CILK1: variants seen among roughly 807,000 people sequenced by gnomAD.
The protein encoded by CILK1 is serine/threonine-protein kinase ICK.
Under a neutral mutation model 79.2 loss-of-function variants are expected in CILK1, and 47 were observed. That is an observed-to-expected ratio of 0.59 (90% CI 0.47 to 0.76). The LOEUF is 0.76. Ranked by LOEUF, CILK1 falls within the 30% of genes least tolerant of loss-of-function variation. The pLI, the probability that CILK1 is intolerant of heterozygous loss-of-function variation, is 0.00. For missense variants in CILK1, 660 were observed against 769.5 expected, an observed-to-expected ratio of 0.86 and a Z score of 1.68; for synonymous variants, 266 against 275.9, an observed-to-expected ratio of 0.96 and a Z score of 0.36.
chr6:53,058,922 TA>T (rs796842411), intron 1 of CILK1, among the ~76,000 whole-genome samples: 355 of 141,844 alleles, frequency 2.5e-3, no homozygotes, highest in African/African-American at 7.6e-3. Flanking sequence ...AGGAGCAGTA[TA>T]AAAAAAAAAA....
chr6:53,014,270 T>TA lies in CILK1; in HGVS notation c.832-289dup, dbSNP rs968438444. On this transcript the variant is annotated intron_variant, in intron 8 of 13. Transcript: ENST00000676107. ...TGGATCAACACAGATCCTGGTTTTG[T>TA]AACTTATTTGCTATGTGTCTTAAAT... Among the ~76,000 whole-genome samples, 3 of 152,354 alleles carry TA rather than the reference T, an allele frequency of 2.0e-5. No individual in the cohort carries two copies. The East Asian group carries it at 5.8e-4, about 29-fold the overall frequency.
At chr6:53,031,723 C>T (rs1328049211) in intron 4 of CILK1, among the ~76,000 whole-genome samples, 1 of 152,226 alleles carries the variant, frequency 6.6e-6, no homozygotes, top group African/African-American at 2.4e-5. Context: ...ACAGAGGTCT[C>T]AAAATCCAGG....
chr6:53,021,091 C>T (rs546828445), intron 5 of CILK1, among the ~76,000 whole-genome samples: 7 of 152,140 alleles, frequency 4.6e-5, no homozygotes, highest in Non-Finnish European at 1.5e-5. Flanking sequence ...GAGGCCGAGG[C>T]GGGCGGATCA....
intron 1 of CILK1, among the ~76,000 whole-genome samples, chr6:53,047,976 A>G (rs924714216): frequency 2.0e-5 from 3 of 151,962 alleles, no homozygotes; most frequent in African/African-American, 7.3e-5. Context: ...AGGTTGTTTT[A>G]TTTTTCCCCA....
In CILK1 at chr6:53,035,841, A is replaced by G. The variant is rs539553744; in HGVS notation, c.156+2098T>C. Among the ~76,000 whole-genome samples the G allele has an allele frequency of 5.9e-5, 9 of 152,188 alleles. 1 individual carries two copies. The South Asian group carries it at 1.9e-3, about 32-fold the overall frequency. On this transcript the variant is annotated intron_variant, in intron 3 of 13. Coordinates refer to ENST00000676107, the MANE Select transcript of CILK1 (RefSeq NM_014920.5). ...GAAGGACCTCATCAAGGAGGAAGGGATGAGGAATCTTGTAAGGTGCGCCTC... is the reference window on the plus strand; with the variant it reads ...GAAGGACCTCATCAAGGAGGAAGGGGTGAGGAATCTTGTAAGGTGCGCCTC...
rs1022167099 is a variant in CILK1 at position 53,005,909 on chromosome 6, T to C, written c.1744+406A>G. ...CTGGCCTCCTTGCTGCTCCTTGAAT[T>C]TGCCAGGCCAGTTCTGCCTGAAAGC... On this transcript the variant is annotated intron_variant, in intron 13 of 13. Coordinates refer to ENST00000676107, the MANE Select transcript of CILK1 (RefSeq NM_014920.5). Among the ~76,000 whole-genome samples the C allele has an allele frequency of 2.0e-5, 3 of 152,184 alleles. No homozygotes were observed. The South Asian group carries it at 6.2e-4, about 32-fold the overall frequency.
Position 53,053,435 on chromosome 6 carries a change from T to C in CILK1, c.-173+8161A>G, listed in dbSNP as rs187347328. 1.4e-4 allele frequency among the ~76,000 whole-genome samples: 21 copies of C among 152,366 alleles called. No individual in the cohort carries two copies. In the East Asian group the frequency reaches 3.9e-3, roughly 28 times the overall value. On this transcript the variant is annotated intron_variant, in intron 1 of 13. Coordinates refer to ENST00000676107, the MANE Select transcript of CILK1 (RefSeq NM_014920.5). ...ATAATTTTAGTACTTAGTATGTGCATAGTACTATTATAAGTGCTTATGCAT... is the reference window on the plus strand; with the variant it reads ...ATAATTTTAGTACTTAGTATGTGCACAGTACTATTATAAGTGCTTATGCAT...
At chr6:53,045,019 A>G (rs1173450100) in intron 1 of CILK1, among the ~76,000 whole-genome samples, 1 of 152,260 alleles carries the variant, frequency 6.6e-6, no homozygotes, top group Non-Finnish European at 1.5e-5. Flanking sequence ...CTTGCAATTT[A>G]TGTAAATTTA....
intron 3 of CILK1, among the ~76,000 whole-genome samples, chr6:53,034,175 A>G (rs1453192707): frequency 6.6e-6 from 1 of 152,244 alleles, no homozygotes; most frequent in Non-Finnish European, 1.5e-5. Flanking sequence ...GGGAAAATTC[A>G]TTCAGCAGAA....
rs915872327 is a variant in CILK1 at position 53,001,728 on chromosome 6, A to G, written c.*3421T>C. 7 of 152,694 alleles carry G rather than the reference A, an allele frequency of 4.6e-5. No homozygotes were observed. Among genetic ancestry groups the G allele is most frequent in the Admixed American group, 2.0e-4 (3 of 15,284 alleles). 9.5% of individuals were successfully genotyped at this position (152,694 alleles called of 1,614,324 possible). ...CATTTGTTTGGAAATCGTAAAAATA[A>G]TTCTACAAATTAGCTCCATATATTA... On this transcript the variant is annotated 3_prime_UTR_variant, in exon 14 of 14. Transcript: ENST00000676107.
At position 53,005,204 on chromosome 6, in the gene CILK1, G is replaced by A. The variant is rs763660819; in HGVS notation, c.1844C>T (p.Ala615Val). The A allele has an allele frequency of 1.2e-6, 2 of 1,614,206 alleles. No homozygotes were observed. Among genetic ancestry groups the A allele is most frequent in the Non-Finnish European group, 1.7e-6 (2 of 1,180,040 alleles). ...TPGLIPRPPAAQPVHGRTDWA... is the reference protein window; with the variant it reads ...TPGLIPRPPAVQPVHGRTDWA... Reference sequence around the variant, plus strand: ...GTCTGTCCGGCCATGCACTGGCTGGGCGGCTGGAGGCCGTGGTATCAACCC... The same window carrying A: ...GTCTGTCCGGCCATGCACTGGCTGGACGGCTGGAGGCCGTGGTATCAACCC... Residue 615 changes from alanine to valine, a missense_variant, in exon 14 of 14, where the codon GCC becomes GTC. Coordinates refer to ENST00000676107, the MANE Select transcript of CILK1 (RefSeq NM_014920.5).
chr6:53,016,306 T>G, intron 7 of CILK1, 56 bp from the exon 8 acceptor site: 1 of 1,585,958 alleles, frequency 6.3e-7, no homozygotes, highest in Non-Finnish European at 8.7e-7. Flanking sequence ...GATATAAGTT[T>G]GTATTCTGGC....
intron 3 of CILK1, among the ~76,000 whole-genome samples, chr6:53,036,667 C>T (rs931910338): frequency 8.5e-5 from 13 of 152,146 alleles, no homozygotes; most frequent in Non-Finnish European, 7.3e-5. Context: ...CCACCAGCCT[C>T]AGCCTCCCAA....
chr6:53,009,001 C>T (rs1764403260), intron 12 of CILK1, among the ~76,000 whole-genome samples: 1 of 152,152 alleles, frequency 6.6e-6, no homozygotes, highest in African/African-American at 2.4e-5. Context: ...GTCTTCCAAA[C>T]TGTCCACCTT....
At chr6:53,052,906 C>T (rs1767583058) in intron 1 of CILK1, among the ~76,000 whole-genome samples, 1 of 151,656 alleles carries the variant, frequency 6.6e-6, no homozygotes, top group African/African-American at 2.4e-5. Context: ...CAGCTCACCA[C>T]AGTCCCCATT....
In CILK1 at chr6:53,016,145, C is replaced by A; in HGVS notation, c.769G>T (p.Ala257Ser). 1 of 1,614,148 alleles carries A rather than the reference C, an allele frequency of 6.2e-7. No homozygotes were observed. Among genetic ancestry groups the A allele is most frequent in the East Asian group, 2.2e-5 (1 of 44,888 alleles). The change falls in exon 8 of 14, where the codon GCA (alanine) becomes TCA (serine). Residue 257 changes from alanine to serine, a missense_variant. Physicochemically the swap from Ala to Ser is moderately conservative, Grantham distance 99. Coordinates refer to ENST00000676107, the MANE Select transcript of CILK1 (RefSeq NM_014920.5). Reference sequence around the variant, plus strand: ...AGCATGTCTCTCAGGAGCTGGACTGCTTCACTGCTAGCATTGGGAATCAAG... The same window carrying A: ...AGCATGTCTCTCAGGAGCTGGACTGATTCACTGCTAGCATTGGGAATCAAG... ...KTLIPNASSE[A>S]VQLLRDMLQW...
chr6:53,018,962 T>C (rs994827494), intron 6 of CILK1, among the ~76,000 whole-genome samples: 3 of 152,234 alleles, frequency 2.0e-5, no homozygotes, highest in African/African-American at 4.8e-5. Context: ...TTTTACATAA[T>C]TCTTTTGTTA....
chr6:53,008,913 G>A (rs1220052454), intron 12 of CILK1, among the ~76,000 whole-genome samples: 2 of 152,182 alleles, frequency 1.3e-5, no homozygotes, highest in Non-Finnish European at 2.9e-5. Context: ...TGCAGGAAAC[G>A]TCTCTACTGT....
intron 3 of CILK1, among the ~76,000 whole-genome samples, chr6:53,037,531 A>G (rs976602440): frequency 6.6e-6 from 1 of 152,148 alleles, no homozygotes; most frequent in Non-Finnish European, 1.5e-5. Flanking sequence ...AACAAGCGCA[A>G]GGGTGTGGGG....
Sources: allele counts gnomAD v4.1 joint callset (sites outside exome capture counted in the v4.1 genomes callset), GRCh38; gene constraint gnomAD v4.1.1; transcripts MANE v1.5; gene names NCBI Gene and HGNC (gene_info 2026-07-23, HGNC 2026-07-21).